SEMA6D: variants seen among roughly 807,000 people sequenced by gnomAD.
The protein encoded by SEMA6D is semaphorin-6D.
SEMA6D carries 35 observed loss-of-function variants against 106.6 expected under a neutral mutation model. That is an observed-to-expected ratio of 0.33 (90% confidence interval 0.25 to 0.44). SEMA6D has a LOEUF of 0.44. Ranked by LOEUF, SEMA6D falls within the 20% of genes least tolerant of loss-of-function variation. The probability of loss-of-function intolerance (pLI) is 1.00; values close to 1 mark genes in which losing one functional copy is unlikely to be tolerated. For missense variants in SEMA6D, 1,185 were observed against 1,345.9 expected (o/e 0.88, Z 1.87); for synonymous variants, 499 against 487.7 (o/e 1.02, Z -0.31).
At chr15:47,724,242 C>G (rs2079598364) in intron 1 of SEMA6D, among the ~76,000 whole-genome samples, 1 of 152,246 alleles carries the variant, frequency 6.6e-6, no homozygotes, top group East Asian at 1.9e-4. Flanking sequence ...TTGTTCTTGC[C>G]ATTGCTGGCA....
intron 1 of SEMA6D, among the ~76,000 whole-genome samples, chr15:47,388,210 A>C (rs281284): frequency 0.28 from 42,835 of 151,994 alleles, 8,855 homozygotes; most frequent in African/African-American, 0.57. Flanking sequence ...CCATAAAATT[A>C]ATCCTGGGGA....
chr15:47,233,684 A>G (rs1188598889), intron 1 of SEMA6D, among the ~76,000 whole-genome samples: 2 of 151,904 alleles, frequency 1.3e-5, no homozygotes, highest in East Asian at 1.9e-4. Flanking sequence ...ACTATTGTAA[A>G]TGGGATCGTT....
chr15:47,554,823 G>A (rs1325894303), intron 3 of SEMA6D, among the ~76,000 whole-genome samples: 4 of 152,124 alleles, frequency 2.6e-5, no homozygotes, highest in Admixed American at 6.6e-5. Flanking sequence ...ACTGTGAGGA[G>A]GTGCTAAAGC....
chr15:47,456,538 C>G (rs2042352316), intron 2 of SEMA6D, among the ~76,000 whole-genome samples: 1 of 151,890 alleles, frequency 6.6e-6, no homozygotes, highest in Admixed American at 6.6e-5. Flanking sequence ...TAAAGAAGTA[C>G]ATATAATAGG....
chr15:47,607,913 C>CTT (rs2076815626), intron 4 of SEMA6D, among the ~76,000 whole-genome samples: 1 of 152,202 alleles, frequency 6.6e-6, no homozygotes, highest in South Asian at 2.1e-4. Context: ...CCAAACATTT[C>CTT]TTTGGCCACT....
intron 4 of SEMA6D, among the ~76,000 whole-genome samples, chr15:47,628,358 A>G (rs948997277): frequency 6.6e-6 from 1 of 152,086 alleles, no homozygotes; most frequent in African/African-American, 2.4e-5. Context: ...AAGAATAGCT[A>G]TACCATTTTC....
chr15:47,308,507 G>A (rs555734984), intron 1 of SEMA6D, among the ~76,000 whole-genome samples: 3 of 152,260 alleles, frequency 2.0e-5, no homozygotes, highest in African/African-American at 7.2e-5. Flanking sequence ...ACCTTCTTAA[G>A]TAAGCCAAGA....
chr15:47,556,730 A>G (rs901465994), intron 3 of SEMA6D, among the ~76,000 whole-genome samples: 1 of 152,112 alleles, frequency 6.6e-6, no homozygotes, highest in Non-Finnish European at 1.5e-5. Flanking sequence ...TCCCTTCCCA[A>G]CAGAGTGAGC....
intron 2 of SEMA6D, among the ~76,000 whole-genome samples, chr15:47,446,247 T>G (rs2042024845): frequency 6.6e-6 from 1 of 152,088 alleles, no homozygotes; most frequent in Admixed American, 6.6e-5. Context: ...AGATGACGTC[T>G]TCTTAGTCAC....
chr15:47,497,712 T>A (rs1247923497), intron 3 of SEMA6D, among the ~76,000 whole-genome samples: 1 of 152,134 alleles, frequency 6.6e-6, no homozygotes, highest in African/African-American at 2.4e-5. Flanking sequence ...TTGACCAACA[T>A]GTGTAAAATC....
At chr15:47,758,725 C>T (rs182927250) in intron 1 of SEMA6D, among the ~76,000 whole-genome samples, 41 of 152,202 alleles carry the variant, frequency 2.7e-4, no homozygotes, top group Admixed American at 2.6e-3. Context: ...TCCATTTCCC[C>T]AAAAAGTTTT....
intron 1 of SEMA6D, among the ~76,000 whole-genome samples, chr15:47,398,614 AT>A (rs2040295564): frequency 6.6e-6 from 1 of 152,152 alleles, no homozygotes; most frequent in South Asian, 2.1e-4. Context: ...GAAGGGAGAG[AT>A]TCGGTTTGGC....
intron 2 of SEMA6D, among the ~76,000 whole-genome samples, chr15:47,468,102 A>C (rs940211671): frequency 1.3e-5 from 2 of 152,124 alleles, no homozygotes; most frequent in Non-Finnish European, 1.5e-5. Context: ...TCTTGTTGGA[A>C]ATACAGTACA....
intron 4 of SEMA6D, among the ~76,000 whole-genome samples, chr15:47,671,692 G>A (rs889755858): frequency 2.0e-5 from 3 of 152,152 alleles, no homozygotes; most frequent in Non-Finnish European, 4.4e-5. Flanking sequence ...TTGAAGGCAG[G>A]AATAGCAGTT....
At chr15:47,453,775 A>T (rs541475452) in intron 2 of SEMA6D, among the ~76,000 whole-genome samples, 1 of 152,040 alleles carries the variant, frequency 6.6e-6, no homozygotes, top group South Asian at 2.1e-4. Context: ...TGTGGATACC[A>T]TCTTTGGCCA....
intron 4 of SEMA6D, among the ~76,000 whole-genome samples, chr15:47,652,939 C>A (rs1033280422): frequency 2.0e-5 from 3 of 152,144 alleles, no homozygotes; most frequent in Non-Finnish European, 4.4e-5. Flanking sequence ...TCAGTGACAG[C>A]AACCAAGATT....
At chr15:47,353,557 C>T (rs762625340) in intron 1 of SEMA6D, among the ~76,000 whole-genome samples, 5 of 152,146 alleles carry the variant, frequency 3.3e-5, no homozygotes, top group Non-Finnish European at 5.9e-5. Flanking sequence ...TTCATCCAGA[C>T]GAATTGACCT....
At chr15:47,401,318 G>T (rs781408038) in intron 1 of SEMA6D, among the ~76,000 whole-genome samples, 3 of 152,106 alleles carry the variant, frequency 2.0e-5, no homozygotes, top group Non-Finnish European at 2.9e-5. Context: ...TTTGACGTGT[G>T]CCATGCACTA....
chr15:47,184,236 C>G (rs1400371628), exon 1 of SEMA6D: 1 of 153,088 alleles, frequency 6.5e-6, no homozygotes, highest in Non-Finnish European at 1.5e-5. Context: ...GGGAGCGTGC[C>G]TGCGTCGCTC....
Sources: allele counts gnomAD v4.1 joint callset (sites outside exome capture counted in the v4.1 genomes callset), GRCh38; gene constraint gnomAD v4.1.1; transcripts MANE v1.5; gene names NCBI Gene and HGNC (gene_info 2026-07-23, HGNC 2026-07-21).